The following SLC49A3 variants were observed in gnomAD, a reference collection of about 807,000 sequenced individuals.
SLC49A3 encodes the protein solute carrier family 49 member 3, also known as solute carrier family 49 member A3.
SLC49A3 carries 50 observed loss-of-function variants against 43.8 expected under a neutral mutation model. That is an observed-to-expected ratio of 1.14 (90% CI 0.91 to 1.45). The LOEUF is 1.45. SLC49A3 is among the 40% of genes most tolerant of loss of function. The probability of loss-of-function intolerance (pLI) is 0.00; values close to 1 mark genes in which losing one functional copy is unlikely to be tolerated. For synonymous variants in SLC49A3, 413 were observed against 352.0 expected (o/e 1.17, Z -1.94); for missense variants, 906 against 774.1 (o/e 1.17, Z -2.02).
At chr4:681,595 C>G (rs1464953091), downstream of SLC49A3, among the ~76,000 whole-genome samples, 1 of 137,324 alleles carries the variant, frequency 7.3e-6, no homozygotes, top group East Asian at 2.2e-4. Context: ...GCTGCAGCCG[C>G]CGCCGCCCCG....
chr4:677,222 G>A (rs1039165993), downstream of SLC49A3, among the ~76,000 whole-genome samples: 15 of 152,154 alleles, frequency 9.9e-5, no homozygotes, highest in African/African-American at 3.6e-4. Flanking sequence ...GATCCTGCTT[G>A]GCCTGCAGAC....
rs998071332 is a variant in SLC49A3, at chr4:685,112, G to C, written c.586-256C>G. 1.8e-6 allele frequency: 1 copy of C among 542,494 alleles called. No individual in the cohort carries two copies. The highest frequency in any genetic ancestry group is 3.2e-6 in the Non-Finnish European group (1 of 310,088). The allele number at this position is 542,494 out of a possible 1,614,324, so 33.6% of individuals were successfully genotyped here. A position where few individuals can be genotyped will look rare whatever the true frequency, so the allele number is the denominator to read the frequency against. On this transcript the variant is annotated intron_variant, in intron 4 of 9. Coordinates refer to ENST00000322224, the MANE Select transcript of SLC49A3 (RefSeq NM_032219.4). This position sits in a 1 kb window ranked among gnomAD's most constrained non-coding sequence, Gnocchi z 4.3. ...GGCTGATGTTAGCCCAGCACCCCCA[G>C]GCTCCAGACTTACATCTCACTGCCA...
upstream of SLC49A3, among the ~76,000 whole-genome samples, chr4:690,374 G>A (rs534604784): frequency 5.2e-4 from 79 of 152,058 alleles, no homozygotes; most frequent in African/African-American, 1.6e-3. Flanking sequence ...CTTCCCCACC[G>A]TCTAGCCTCC....
Position 683,255 on chromosome 4 carries a change from A to G in SLC49A3, c.1106T>C (p.Phe369Ser). 6.2e-7 allele frequency: 1 copy of G among 1,612,586 alleles called. No individual in the cohort carries two copies. Among genetic ancestry groups the G allele is most frequent in the Non-Finnish European group, 8.5e-7 (1 of 1,179,846 alleles). ...TGTGGCAGCCCCCTCCCCCACGGGG[A>G]AGGAACACTCGACCGCCAACTCCAT... Reference protein sequence around the residue: ...VAMELAVECSFPVGEGAATGM... With the variant: ...VAMELAVECSSPVGEGAATGM... The change falls in exon 8 of 10, where the codon TTC (phenylalanine) becomes TCC (serine). Residue 369 changes from phenylalanine to serine, a missense_variant. Physicochemically the swap from Phe to Ser is radical, Grantham distance 155. Coordinates refer to ENST00000322224, the MANE Select transcript of SLC49A3 (RefSeq NM_032219.4).
chr4:678,107 G>C (rs74282734), downstream of SLC49A3: 1 of 1,417,450 alleles, frequency 7.1e-7, no homozygotes, highest in African/African-American at 2.3e-5. Flanking sequence ...GCGCACAGAC[G>C]AGCGTGGGCG....
intron 5 of SLC49A3, 44 bp from the exon 6 acceptor site, chr4:684,643 C>A: frequency 6.2e-7 from 1 of 1,610,856 alleles, no homozygotes; most frequent in Non-Finnish European, 8.5e-7. Context: ...GGGGGCCCTT[C>A]CCAAACCCAT....
Position 685,932 on chromosome 4 carries a change from A to C in SLC49A3, c.509-21T>G, listed in dbSNP as rs775642533. 1.9e-6 allele frequency: 3 copies of C among 1,613,756 alleles called. No individual in the cohort carries two copies. Among genetic ancestry groups the C allele is most frequent in the South Asian group, 1.1e-5 (1 of 91,072 alleles). On this transcript the variant is annotated intron_variant, in intron 3 of 9. Coordinates refer to ENST00000322224, the MANE Select transcript of SLC49A3 (RefSeq NM_032219.4). The surrounding 1 kb of genome is among the most constrained non-coding windows in gnomAD (Gnocchi z 4.3). ...GTTCGCTGGGTGGGCGGATGCACAAAGTGTCAGCTCGGCTGTGGCCTGGCT... is the reference window on the plus strand; with the variant it reads ...GTTCGCTGGGTGGGCGGATGCACAACGTGTCAGCTCGGCTGTGGCCTGGCT...
chr4:682,712 C>G, intron 9 of SLC49A3, 69 bp downstream of exon 9: 2 of 1,316,006 alleles, frequency 1.5e-6, no homozygotes, highest in Non-Finnish European at 1.0e-6. Flanking sequence ...TCACCTGTCC[C>G]GCTCCCAGGG....
Position 685,187 on chromosome 4 carries a change from A to G in SLC49A3, c.586-331T>C. ...AACACACAGACACAGGTGGGTGCAG[A>G]GGCACACGTGCATACAGACTCACGC... On this transcript the variant is annotated intron_variant, in intron 4 of 9. Coordinates refer to ENST00000322224, the MANE Select transcript of SLC49A3 (RefSeq NM_032219.4). This position sits in a 1 kb window ranked among gnomAD's most constrained non-coding sequence, Gnocchi z 4.3. 2.3e-6 allele frequency: 1 copy of G among 426,832 alleles called. No individual in the cohort carries two copies. Among genetic ancestry groups the G allele is most frequent in the Non-Finnish European group, 4.2e-6 (1 of 235,820 alleles). 26.4% of individuals were successfully genotyped at this position (426,832 alleles called of 1,614,324 possible). A position where few individuals can be genotyped will look rare whatever the true frequency, so the allele number is the denominator to read the frequency against.
intron 9 of SLC49A3, 64 bp from the exon 10 acceptor site, chr4:682,440 A>G: frequency 1.5e-6 from 2 of 1,302,444 alleles, no homozygotes; most frequent in South Asian, 3.0e-5. Flanking sequence ...GGCAGAGCCC[A>G]ATGCTGGCCT....
At chr4:687,557 C>A (rs956266755) in intron 1 of SLC49A3, among the ~76,000 whole-genome samples, 4 of 152,216 alleles carry the variant, frequency 2.6e-5, no homozygotes, top group Admixed American at 2.0e-4. Flanking sequence ...CCCTGCGGAG[C>A]CGAGCCCGCC....
downstream of SLC49A3, among the ~76,000 whole-genome samples, chr4:681,615 GCGCCGCCCCGCCCCCTC>G (rs1409592883): frequency 5.3e-3 from 174 of 33,086 alleles, 17 homozygotes; most frequent in Middle Eastern, 0.011. Flanking sequence ...GCCCCCTCCA[GCGCCGCCCCGCCCCCTC>G]CAGCGCCGCC....
downstream of SLC49A3, among the ~76,000 whole-genome samples, chr4:677,576 A>T (rs908473802): frequency 9.9e-5 from 15 of 152,188 alleles, no homozygotes; most frequent in African/African-American, 3.1e-4. Flanking sequence ...TGACAGACAG[A>T]GTGTGCTTGG....
intron 7 of SLC49A3, 22 bp downstream of exon 7, chr4:683,587 C>A: frequency 6.6e-7 from 1 of 1,507,710 alleles, no homozygotes; most frequent in Middle Eastern, 1.7e-4. Context: ...ACAGGGCAGT[C>A]TTGGCTTGAG....
At position 685,132 on chromosome 4, in the gene SLC49A3, C is replaced by T. The variant is rs1029758541; in HGVS notation, c.586-276G>A. ...CCCCAGGCTCCAGACTTACATCTCA[C>T]TGCCAGCTGCACAGCCCATGATAGG... On this transcript the variant is annotated intron_variant, in intron 4 of 9. Transcript: ENST00000322224. This position sits in a 1 kb window ranked among gnomAD's most constrained non-coding sequence, Gnocchi z 4.3. 1.4e-5 allele frequency: 7 copies of T among 517,350 alleles called. No individual in the cohort carries two copies. Among genetic ancestry groups the T allele is most frequent in the Non-Finnish European group, 1.7e-5 (5 of 293,326 alleles). 32.0% of individuals were successfully genotyped at this position (517,350 alleles called of 1,614,324 possible).
downstream of SLC49A3, chr4:678,251 A>G (rs1243517473): frequency 2.0e-6 from 3 of 1,473,932 alleles, no homozygotes; most frequent in East Asian, 5.0e-5. Flanking sequence ...TACGTGCCTC[A>G]CGTTGCTCTC....
rs1739731594 is a variant in SLC49A3, at chr4:681,879, G to A, written c.*79C>T. 8 of 1,312,058 alleles carry A rather than the reference G, an allele frequency of 6.1e-6. No individual in the cohort carries two copies. The highest frequency in any genetic ancestry group is 3.0e-5 in the African/African-American group (2 of 66,144). 81.3% of individuals were successfully genotyped at this position (1,312,058 alleles called of 1,614,324 possible). A position where few individuals can be genotyped will look rare whatever the true frequency, so the allele number is the denominator to read the frequency against. ...CCCGGAGCCCGCAAGGAGCCCTTTC[G>A]CCCCCGCCCGCAGGTGGACCAGATG... On this transcript the variant is annotated 3_prime_UTR_variant, in exon 10 of 10. Coordinates refer to ENST00000322224, the MANE Select transcript of SLC49A3 (RefSeq NM_032219.4).
At position 686,107 on chromosome 4, in the gene SLC49A3, T is replaced by C. The variant is rs141742124; in HGVS notation, c.490A>G (p.Asn164Asp). The C allele has an allele frequency of 8.5e-4, 1,367 of 1,613,056 alleles. No homozygotes were observed. Among genetic ancestry groups the C allele is most frequent in the Non-Finnish European group, 1.1e-3 (1,267 of 1,179,958 alleles). The change falls in exon 3 of 10, where the codon AAC (asparagine) becomes GAC (aspartate). Residue 164 changes from asparagine (N) to aspartate (D), a missense_variant. Physicochemically the swap from Asn to Asp is conservative, Grantham distance 23. Transcript: ENST00000322224. ...WFPEHQRATA[N>D]MLATMSNPLG... is the part of the protein sequence containing the mutation. Reference sequence around the variant, plus strand: ...AACTCACACATGGTGGCGAGCATGTTGGCCGTGGCTCGCTGGTGCTCTGGG... The same window carrying C: ...AACTCACACATGGTGGCGAGCATGTCGGCCGTGGCTCGCTGGTGCTCTGGG...
At chr4:684,449 G>A in intron 6 of SLC49A3, 34 bp downstream of exon 6, 1 of 1,610,154 alleles carries the variant, frequency 6.2e-7, no homozygotes, top group Non-Finnish European at 8.5e-7. Context: ...GCGGATGACA[G>A]AGGCAGGGTC....
Sources: allele counts gnomAD v4.1 joint callset (sites outside exome capture counted in the v4.1 genomes callset), GRCh38; gene constraint gnomAD v4.1.1; non-coding constraint Gnocchi (gnomAD v3.1); transcripts MANE v1.5; gene names NCBI Gene and HGNC (gene_info 2026-07-23, HGNC 2026-07-21).